CAPN13: variants seen among roughly 807,000 people sequenced by gnomAD.
CAPN13 encodes calpain 13, also known as calpain-13.
Under a neutral mutation model 98.4 loss-of-function variants are expected in CAPN13, and 90 were observed. The ratio of observed to expected loss-of-function variants is 0.92; its 90% CI spans 0.77 to 1.09. The LOEUF (loss-of-function observed/expected upper bound fraction) is 1.09, where lower values mean the gene tolerates loss of function less well. CAPN13 is among the 50% of genes least tolerant of loss of function. The pLI is 0.00. For synonymous variants in CAPN13, 330 were observed against 305.5 expected (o/e 1.08, Z -0.84); for missense variants, 887 against 841.3 (o/e 1.05, Z -0.67).
At position 30,753,212 on chromosome 2, in the gene CAPN13, A is replaced by C; in HGVS notation, c.942-14T>G. 6.2e-7 allele frequency: 1 copy of C among 1,613,714 alleles called. No homozygotes were observed. Among genetic ancestry groups the C allele is most frequent in the Non-Finnish European group, 8.5e-7 (1 of 1,179,716 alleles). On this transcript the variant is annotated splice_polypyrimidine_tract_variant and intron_variant, in intron 9 of 22. Coordinates refer to ENST00000295055, the MANE Select transcript of CAPN13 (RefSeq NM_144575.3). ...TGACACGACATCCTGTTAAAAACAG[A>C]TATACATCACTCAGTGACCAGGGGT...
intron 7 of CAPN13, 143 bp from the exon 8 acceptor site, chr2:30,758,280 G>A: frequency 1.0e-5 from 6 of 597,268 alleles, no homozygotes; most frequent in African/African-American, 1.9e-5. Flanking sequence ...AATTGAAAGG[G>A]AAAAAAAAAT....
At position 30,734,462 on chromosome 2, in the gene CAPN13, G is replaced by T; in HGVS notation, c.1785C>A (p.Ala595=). 3.7e-6 allele frequency: 6 copies of T among 1,613,730 alleles called. No homozygotes were observed. The highest frequency in any genetic ancestry group is 5.1e-6 in the Non-Finnish European group (6 of 1,179,686). Residue 595 remains alanine, a synonymous_variant, in exon 19 of 23, where the codon GCC becomes GCA. Coordinates refer to ENST00000295055, the MANE Select transcript of CAPN13 (RefSeq NM_144575.3). The part of the protein sequence containing the change: ...GVLLSSDLWK[A]IENTDFLRGI... ...TCCCCATTGTACCTGTATTCTCTAT[G>T]GCCTTCCACAAGTCCGAGCTCAGGA...
At chr2:30,794,674 A>G (rs1674767832) in intron 1 of CAPN13, among the ~76,000 whole-genome samples, 1 of 151,978 alleles carries the variant, frequency 6.6e-6, no homozygotes, top group South Asian at 2.1e-4. Context: ...ATAAATTGTG[A>G]TGTACCCATA....
chr2:30,785,577 T>C (rs1297661076), intron 2 of CAPN13, among the ~76,000 whole-genome samples: 1 of 152,200 alleles, frequency 6.6e-6, no homozygotes, highest in Non-Finnish European at 1.5e-5. Context: ...TCTTTATAAG[T>C]AATTTCACTT....
intron 6 of CAPN13, 48 bp downstream of exon 6, chr2:30,764,084 G>C (rs770791419): frequency 6.6e-7 from 1 of 1,518,420 alleles, no homozygotes; most frequent in South Asian, 1.2e-5. Context: ...GAGCATTCCT[G>C]GCTGAGGAAA....
intron 4 of CAPN13, 109 bp from the exon 5 acceptor site, chr2:30,770,558 A>C: frequency 7.5e-7 from 1 of 1,326,842 alleles, no homozygotes; most frequent in Non-Finnish European, 1.0e-6. Flanking sequence ...TGCAATAATG[A>C]ACTCTATTCC....
chr2:30,758,068 A>G lies in CAPN13; in HGVS notation c.844T>C (p.Trp282Arg), dbSNP rs771555028. ...WNPWGWGEAE[W>R]RGRWSDGSQE... ...TACCCATCACTCCAGCGCCCTCTCCATTCGGCCTCGCCCCAGCCCCAGGGG... is the reference window on the plus strand; with the variant it reads ...TACCCATCACTCCAGCGCCCTCTCCGTTCGGCCTCGCCCCAGCCCCAGGGG... The change falls in exon 8 of 23, where the codon TGG becomes CGG. Residue 282 changes from tryptophan (W) to arginine (R), a missense_variant. Transcript: ENST00000295055. 9.9e-6 allele frequency: 16 copies of G among 1,611,542 alleles called. No individual in the cohort carries two copies. Among genetic ancestry groups the G allele is most frequent in the African/African-American group, 6.7e-5 (5 of 74,802 alleles).
At chr2:30,805,652 G>A (rs1675575728) in intron 1 of CAPN13, among the ~76,000 whole-genome samples, 1 of 151,752 alleles carries the variant, frequency 6.6e-6, no homozygotes, top group African/African-American at 2.4e-5. Flanking sequence ...ACCCCCAAGA[G>A]GTTAAGGAGC....
chr2:30,758,380 C>T (rs560474396), intron 7 of CAPN13, among the ~76,000 whole-genome samples: 2 of 152,356 alleles, frequency 1.3e-5, no homozygotes, highest in South Asian at 4.1e-4. Context: ...AGGGCAGATG[C>T]AACTTCATCA....
At chr2:30,759,028 T>C (rs111067269) in intron 7 of CAPN13, among the ~76,000 whole-genome samples, 24,209 of 71,630 alleles carry the variant, frequency 0.34, 3,296 homozygotes, top group Non-Finnish European at 0.37. Flanking sequence ...CTATTCTTCC[T>C]TCCCTCCCTC....
chr2:30,731,219 G>A (rs1671072698), intron 21 of CAPN13, 125 bp downstream of exon 21: 1 of 770,402 alleles, frequency 1.3e-6, no homozygotes. Flanking sequence ...TGGAGGTTGG[G>A]GGGACAGCTT....
intron 15 of CAPN13, 39 bp downstream of exon 15, chr2:30,741,869 C>A: frequency 6.2e-7 from 1 of 1,613,702 alleles, no homozygotes; most frequent in African/African-American, 1.3e-5. Context: ...TCCCCTTTCT[C>A]CAATCCCACG....
At chr2:30,755,649 G>C (rs781649356) in intron 8 of CAPN13, among the ~76,000 whole-genome samples, 7 of 152,122 alleles carry the variant, frequency 4.6e-5, no homozygotes, top group Non-Finnish European at 8.8e-5. Flanking sequence ...AGGCACAAAA[G>C]CTCAATGAGA....
At chr2:30,742,810 T>G (rs1023154030) in intron 13 of CAPN13, among the ~76,000 whole-genome samples, 1 of 152,156 alleles carries the variant, frequency 6.6e-6, no homozygotes, top group African/African-American at 2.4e-5. Context: ...GTCCCAGTCT[T>G]GAATGATCAA....
rs57671029 is a variant in CAPN13 at position 30,755,857 on chromosome 2, C to A, written c.867-1493G>T. 6.2e-3 allele frequency among the ~76,000 whole-genome samples: 739 copies of A among 118,714 alleles called. 17 individuals carry two copies. In the East Asian group the frequency reaches 0.12, roughly 19 times the overall value. 77.9% of individuals were successfully genotyped at this position (118,714 alleles called of 152,430 possible). On this transcript the variant is annotated intron_variant, in intron 8 of 22. Coordinates refer to ENST00000295055, the MANE Select transcript of CAPN13 (RefSeq NM_144575.3). Reference sequence around the variant, plus strand: ...AGAATAAATGTAGTGTAGATCAATACGCTATTGATTCATGCAAGTTTGCCT... The same window carrying A: ...AGAATAAATGTAGTGTAGATCAATAAGCTATTGATTCATGCAAGTTTGCCT...
chr2:30,775,700 A>C (rs1369796769), intron 4 of CAPN13, among the ~76,000 whole-genome samples: 1 of 152,196 alleles, frequency 6.6e-6, no homozygotes, highest in African/African-American at 2.4e-5. Context: ...ACTCTTTGCT[A>C]ATCATTTCTG....
chr2:30,730,811 A>G, intron 21 of CAPN13, 25 bp from the exon 22 acceptor site: 1 of 780,850 alleles, frequency 1.3e-6, no homozygotes. Flanking sequence ...TCATCATTAC[A>G]ACAATTCTTT....
At chr2:30,785,091 A>G (rs1408870335) in intron 2 of CAPN13, among the ~76,000 whole-genome samples, 4 of 152,204 alleles carry the variant, frequency 2.6e-5, no homozygotes, top group Admixed American at 1.3e-4. Flanking sequence ...TGTGAACTTG[A>G]AACATGCATC....
At chr2:30,769,429 C>T (rs983708683) in intron 5 of CAPN13, among the ~76,000 whole-genome samples, 3 of 152,106 alleles carry the variant, frequency 2.0e-5, no homozygotes, top group African/African-American at 7.2e-5. Flanking sequence ...CATTACTCTT[C>T]GTGTTTCCAT....
Sources: allele counts gnomAD v4.1 joint callset (sites outside exome capture counted in the v4.1 genomes callset), GRCh38; gene constraint gnomAD v4.1.1; transcripts MANE v1.5; gene names NCBI Gene and HGNC (gene_info 2026-07-23, HGNC 2026-07-21).